Variants in SGCZ observed in about 807,000 individuals in gnomAD.
SGCZ encodes zeta-sarcoglycan.
Under a neutral mutation model 41.3 loss-of-function variants are expected in SGCZ, and 40 were observed. The observed-to-expected ratio is 0.97, with a 90% confidence interval of 0.75 to 1.26. SGCZ has a LOEUF of 1.26. Among genes scored for constraint, SGCZ ranks in the 50% most tolerant of loss-of-function variants. The pLI, the probability that SGCZ is intolerant of heterozygous loss-of-function variation, is 0.00. For missense variants in SGCZ, 552 were observed against 369.8 expected, an observed-to-expected ratio of 1.49 and a Z score of -4.04; for synonymous variants, 206 against 137.5, an observed-to-expected ratio of 1.50 and a Z score of -3.49.
At chr8:14,510,211 T>G (rs1802428928) in intron 2 of SGCZ, among the ~76,000 whole-genome samples, 1 of 152,156 alleles carries the variant, frequency 6.6e-6, no homozygotes, top group Non-Finnish European at 1.5e-5. Flanking sequence ...AAATTCTCCT[T>G]TATTTAAAAT....
At chr8:14,099,549 AC>A (rs988152923) in intron 7 of SGCZ, among the ~76,000 whole-genome samples, 10 of 152,078 alleles carry the variant, frequency 6.6e-5, no homozygotes, top group African/African-American at 2.4e-4. Flanking sequence ...ACATGGCGAC[AC>A]CCTGTCTCTT....
chr8:14,660,038 A>G (rs1807698284), intron 1 of SGCZ, among the ~76,000 whole-genome samples: 1 of 152,142 alleles, frequency 6.6e-6, no homozygotes, highest in Non-Finnish European at 1.5e-5. Flanking sequence ...AGAAGTTTGA[A>G]ACAGCTTTTT....
At chr8:14,708,456 A>C (rs1020606461) in intron 1 of SGCZ, among the ~76,000 whole-genome samples, 1 of 151,730 alleles carries the variant, frequency 6.6e-6, no homozygotes, top group South Asian at 2.1e-4. Context: ...AATCATTTGG[A>C]TATTTTTGAC....
chr8:14,677,175 G>C (rs1424762743), intron 1 of SGCZ, among the ~76,000 whole-genome samples: 1 of 151,988 alleles, frequency 6.6e-6, no homozygotes, highest in Non-Finnish European at 1.5e-5. Flanking sequence ...CAATGAGAAA[G>C]TGGGAACTGA....
chr8:14,824,902 A>G (rs890160075), intron 1 of SGCZ, among the ~76,000 whole-genome samples: 2 of 152,086 alleles, frequency 1.3e-5, no homozygotes, highest in African/African-American at 2.4e-5. Flanking sequence ...GCTTATGGAT[A>G]CCAATTTTTT....
intron 1 of SGCZ, among the ~76,000 whole-genome samples, chr8:15,236,081 C>T (rs1352947683): frequency 6.6e-6 from 1 of 152,168 alleles, no homozygotes; most frequent in East Asian, 1.9e-4. Context: ...CAACTTTAAA[C>T]GAAGCATCAA....
At chr8:14,125,953 C>T (rs73217949) in intron 5 of SGCZ, among the ~76,000 whole-genome samples, 11,937 of 152,184 alleles carry the variant, frequency 0.078, 599 homozygotes, top group Middle Eastern at 0.12. Context: ...TGGATTTGTT[C>T]GTCACACATT....
intron 1 of SGCZ, among the ~76,000 whole-genome samples, chr8:14,639,752 G>T (rs1195721979): frequency 6.6e-6 from 1 of 151,344 alleles, no homozygotes; most frequent in Admixed American, 6.6e-5. Flanking sequence ...CTTTGTACTG[G>T]AAAAGAAGAT....
chr8:14,762,243 C>G (rs1799907748), intron 1 of SGCZ, among the ~76,000 whole-genome samples: 1 of 152,096 alleles, frequency 6.6e-6, no homozygotes, highest in African/African-American at 2.4e-5. Flanking sequence ...GATATGGAGT[C>G]ATGAATAAAT....
At chr8:15,015,128 A>G (rs1035909331) in intron 1 of SGCZ, among the ~76,000 whole-genome samples, 5 of 152,212 alleles carry the variant, frequency 3.3e-5, no homozygotes, top group African/African-American at 1.2e-4. Flanking sequence ...CTATAGTCCC[A>G]GCTACTTGGG....
At chr8:14,369,182 A>G (rs1803822763) in intron 2 of SGCZ, among the ~76,000 whole-genome samples, 1 of 152,042 alleles carries the variant, frequency 6.6e-6, no homozygotes, top group South Asian at 2.1e-4. Flanking sequence ...TGTTTCAAGA[A>G]TGTCCTTTAT....
At chr8:14,868,938 C>A (rs763908138) in intron 1 of SGCZ, among the ~76,000 whole-genome samples, 13 of 152,028 alleles carry the variant, frequency 8.6e-5, no homozygotes, top group Non-Finnish European at 2.9e-5. Flanking sequence ...GGAATCGAGG[C>A]AGTAATTAAT....
chr8:14,249,938 T>A (rs1799230715), intron 3 of SGCZ, among the ~76,000 whole-genome samples: 1 of 152,184 alleles, frequency 6.6e-6, no homozygotes, highest in South Asian at 2.1e-4. Context: ...GGGCAAACAT[T>A]AAGAATATGT....
intron 1 of SGCZ, among the ~76,000 whole-genome samples, chr8:14,656,723 T>G (rs2117471303): frequency 6.6e-6 from 1 of 151,706 alleles, no homozygotes; most frequent in South Asian, 2.1e-4. Flanking sequence ...GAATCTCTAG[T>G]TTGCTAACAG....
At chr8:14,571,940 GA>G (rs1804566818) in intron 1 of SGCZ, among the ~76,000 whole-genome samples, 1 of 152,054 alleles carries the variant, frequency 6.6e-6, no homozygotes, top group African/African-American at 2.4e-5. Flanking sequence ...CATTACTATA[GA>G]AAAGGTAGGT....
chr8:14,090,199 A>T lies in SGCZ; in HGVS notation c.*244T>A, dbSNP rs980092565. The T allele has an allele frequency of 5.7e-6, 2 of 349,496 alleles. No individual in the cohort carries two copies. The highest frequency in any genetic ancestry group is 8.8e-5 in the East Asian group (2 of 22,670). 21.6% of individuals were successfully genotyped at this position (349,496 alleles called of 1,614,324 possible). ...ACCTATGTTATTCTCCCTTTCGAGC[A>T]AAAGTCATGATCCAGTTTTCCTGCT... On this transcript the variant is annotated 3_prime_UTR_variant, in exon 8 of 8. Transcript: ENST00000382080.
intron 2 of SGCZ, among the ~76,000 whole-genome samples, chr8:14,391,606 G>A (rs1804778220): frequency 6.6e-6 from 1 of 152,198 alleles, no homozygotes; most frequent in African/African-American, 2.4e-5. Context: ...AATCAGCCCA[G>A]TATTGCATAG....
At chr8:15,197,657 G>C (rs1800771939) in intron 1 of SGCZ, among the ~76,000 whole-genome samples, 1 of 152,098 alleles carries the variant, frequency 6.6e-6, no homozygotes, top group Non-Finnish European at 1.5e-5. Flanking sequence ...ACAGAGCTGT[G>C]ACTTAAGACC....
intron 1 of SGCZ, among the ~76,000 whole-genome samples, chr8:14,745,646 C>T (rs2244851): frequency 0.33 from 49,337 of 151,148 alleles, 8,425 homozygotes; most frequent in Non-Finnish European, 0.39. Context: ...TACACACACA[C>T]ATATATATAT....
Sources: gnomAD v4.1 joint callset for allele counts (sites outside exome capture counted in the v4.1 genomes callset) on GRCh38, gnomAD v4.1.1 for gene constraint, MANE v1.5 for transcripts, NCBI Gene and HGNC (gene_info 2026-07-23, HGNC 2026-07-21) for gene names.